Variants in PTPRJ observed in about 807,000 individuals in gnomAD.
PTPRJ encodes protein tyrosine phosphatase receptor type J.
Under a neutral mutation model 141.3 loss-of-function variants are expected in PTPRJ, and 129 were observed. That is an observed-to-expected ratio of 0.91 (90% CI 0.79 to 1.06). The LOEUF is 1.06. PTPRJ is among the 50% of genes least tolerant of loss of function. The pLI is 0.00. For synonymous variants in PTPRJ, 610 were observed against 640.5 expected, an observed-to-expected ratio of 0.95 and a Z score of 0.72; for missense variants, 1,601 against 1,679.7, an observed-to-expected ratio of 0.95 and a Z score of 0.82.
chr11:48,148,724 C>T (rs372476542), intron 15 of PTPRJ, among the ~76,000 whole-genome samples: 13 of 152,212 alleles, frequency 8.5e-5, no homozygotes, highest in South Asian at 4.2e-4. Context: ...CATCAGCCAC[C>T]GTGCCTGGCT....
Position 48,136,150 on chromosome 11 carries a change from A to G in PTPRJ, c.1727A>G (p.Glu576Gly), listed in dbSNP as rs779808939. 1.9e-6 allele frequency: 3 copies of G among 1,614,196 alleles called. No homozygotes were observed. Among genetic ancestry groups the G allele is most frequent in the Non-Finnish European group, 2.5e-6 (3 of 1,180,028 alleles). ...ASEYVYHLVI[E>G]SKHGSNHTST... ...GAGTATGTCTACCATTTAGTCATAG[A>G]GTCCAAGCATGGCTCTAACCACACA... Residue 576 changes from glutamate to glycine, a missense_variant, in exon 9 of 25, where the codon GAG becomes GGG. Transcript: ENST00000418331.
chr11:48,127,982 CA>C lies in PTPRJ; in HGVS notation c.1297del (p.Thr433GlnfsTer6). The stretch of plus-strand genomic sequence containing the variant: ...TCCGCTCCAGCACCTTCTACAACAT[CA>C]CAGTGTGTCCTGTCCTAGGTGACAT... ...GLRSSTFYNITVCPVLGDIEG... is the reference protein window; with the variant it reads ...GLRSSTFYNIXVCPVLGDIEG... On this transcript the variant is annotated frameshift_variant, in exon 7 of 25. Coordinates refer to ENST00000418331, the MANE Select transcript of PTPRJ (RefSeq NM_002843.4). LOFTEE classifies it high-confidence loss of function. The C allele has an allele frequency of 6.2e-7, 1 of 1,614,188 alleles. No homozygotes were observed. Among genetic ancestry groups the C allele is most frequent in the Non-Finnish European group, 8.5e-7 (1 of 1,180,004 alleles).
At chr11:48,030,916 C>A (rs2134224444) in intron 1 of PTPRJ, among the ~76,000 whole-genome samples, 1 of 152,240 alleles carries the variant, frequency 6.6e-6, no homozygotes. Context: ...AGTATAGTCT[C>A]TTAGTCCCAG....
intron 1 of PTPRJ, among the ~76,000 whole-genome samples, chr11:48,039,464 GGTGTGTGTGTGTGTGTGTGT>G (rs67338648): frequency 6.8e-6 from 1 of 146,430 alleles, no homozygotes; most frequent in Non-Finnish European, 1.5e-5. Flanking sequence ...ACAACACTAT[GGTGTGTGTGTGTGTGTGTGT>G]GTGTGTGTGT....
intron 1 of PTPRJ, among the ~76,000 whole-genome samples, chr11:47,981,236 C>T (rs952747925): frequency 6.6e-6 from 1 of 152,118 alleles, no homozygotes; most frequent in African/African-American, 2.4e-5. Flanking sequence ...GATCCGGGTG[C>T]CGCGGTGCCC....
intron 1 of PTPRJ, among the ~76,000 whole-genome samples, chr11:48,080,565 G>A (rs112175724): frequency 6.6e-6 from 1 of 152,212 alleles, no homozygotes; most frequent in Non-Finnish European, 1.5e-5. Flanking sequence ...CTCGGTTTCT[G>A]TTCATTCATC....
Position 48,155,858 on chromosome 11 carries a change from A to G in PTPRJ, c.3287A>G (p.Asn1096Ser), listed in dbSNP as rs150282496. 8.1e-6 allele frequency: 13 copies of G among 1,606,354 alleles called. No homozygotes were observed. Among genetic ancestry groups the G allele is most frequent in the East Asian group, 2.2e-5 (1 of 44,842 alleles). The change falls in exon 20 of 25, where the codon AAT becomes AGT. Residue 1096 changes from asparagine (N) to serine (S), a missense_variant. Transcript: ENST00000418331. ...VQTHSTDDYI[N>S]ANYMPGYHSK... is the part of the protein sequence containing the mutation. ...ACCCATTCAACGGATGACTACATCA[A>G]TGCCAACTACATGCCTGTAAGTTGG...
At chr11:47,982,612 C>G (rs1421321573) in intron 1 of PTPRJ, among the ~76,000 whole-genome samples, 1 of 151,760 alleles carries the variant, frequency 6.6e-6, no homozygotes, top group East Asian at 1.9e-4. Flanking sequence ...AACCCCCAAA[C>G]TTAAAGCTTC....
intron 1 of PTPRJ, among the ~76,000 whole-genome samples, chr11:48,065,076 G>A (rs961838697): frequency 1.4e-5 from 2 of 142,162 alleles, no homozygotes; most frequent in African/African-American, 5.4e-5. Context: ...GTGCAATGGT[G>A]CGATCTCATC....
intron 15 of PTPRJ, among the ~76,000 whole-genome samples, chr11:48,147,668 C>G (rs940853588): frequency 2.6e-5 from 4 of 152,128 alleles, no homozygotes; most frequent in Non-Finnish European, 5.9e-5. Flanking sequence ...GCCCTCTTGT[C>G]TGTGTAGTGT....
chr11:48,126,262 CA>C (rs1206063154), intron 6 of PTPRJ, among the ~76,000 whole-genome samples: 1 of 152,004 alleles, frequency 6.6e-6, no homozygotes, highest in Non-Finnish European at 1.5e-5. Flanking sequence ...GCAGTTTGAG[CA>C]AAAGCAAAGT....
chr11:48,127,343 C>T (rs983645398), intron 6 of PTPRJ, among the ~76,000 whole-genome samples: 1 of 152,226 alleles, frequency 6.6e-6, no homozygotes, highest in Admixed American at 6.5e-5. Context: ...TGTGGCCCAC[C>T]TGGGTGTCAT....
At chr11:48,053,370 T>A (rs1319138049) in intron 1 of PTPRJ, among the ~76,000 whole-genome samples, 1 of 100,286 alleles carries the variant, frequency 1.0e-5, no homozygotes, top group African/African-American at 4.2e-5. Flanking sequence ...AAAAATATAA[T>A]ATATATAAAA....
At chr11:48,035,457 C>T (rs1226054545) in intron 1 of PTPRJ, among the ~76,000 whole-genome samples, 1 of 151,846 alleles carries the variant, frequency 6.6e-6, no homozygotes, top group South Asian at 2.1e-4. Context: ...CTGGTGAGCC[C>T]CCGGGATGAT....
chr11:47,991,016 G>A (rs1475187138), intron 1 of PTPRJ, among the ~76,000 whole-genome samples: 2 of 151,752 alleles, frequency 1.3e-5, no homozygotes, highest in African/African-American at 2.4e-5. Context: ...CACCGCGCCC[G>A]GCCCCATGAA....
At chr11:48,036,753 C>T (rs906704517) in intron 1 of PTPRJ, among the ~76,000 whole-genome samples, 1 of 152,174 alleles carries the variant, frequency 6.6e-6, no homozygotes, top group African/African-American at 2.4e-5. Flanking sequence ...TCAAATCCAG[C>T]GCTCTTTATA....
intron 1 of PTPRJ, among the ~76,000 whole-genome samples, chr11:48,067,080 C>G (rs1855106003): frequency 6.6e-6 from 1 of 152,182 alleles, no homozygotes; most frequent in Non-Finnish European, 1.5e-5. Flanking sequence ...AATCTGAAAC[C>G]TGCAGTGGGG....
At chr11:48,029,124 G>T (rs1275308778) in intron 1 of PTPRJ, among the ~76,000 whole-genome samples, 1 of 152,158 alleles carries the variant, frequency 6.6e-6, no homozygotes. Flanking sequence ...GATGCTGCCG[G>T]GAGTGCAGTG....
At chr11:48,094,666 G>T (rs1469490803) in intron 1 of PTPRJ, among the ~76,000 whole-genome samples, 3 of 152,174 alleles carry the variant, frequency 2.0e-5, no homozygotes, top group Non-Finnish European at 4.4e-5. Flanking sequence ...TGGAGATTTG[G>T]TGGGCTTTTC....
Sources: gnomAD v4.1 joint callset for allele counts (sites outside exome capture counted in the v4.1 genomes callset) on GRCh38, gnomAD v4.1.1 for gene constraint, MANE v1.5 for transcripts, NCBI Gene and HGNC (gene_info 2026-07-23, HGNC 2026-07-21) for gene names.